Variants in TET2 observed in about 807,000 individuals in gnomAD.
The protein encoded by TET2 is methylcytosine dioxygenase TET2.
TET2 carries 299 observed loss-of-function variants against 142.9 expected under a neutral mutation model. The observed-to-expected ratio is 2.09, with a 90% CI of 1.90 to 2.30. TET2 has a LOEUF of 2.30. Among genes scored for constraint, TET2 ranks in the 30% most tolerant of loss-of-function variants. The pLI is 0.00. For synonymous variants in TET2, 819 were observed against 849.0 expected, an observed-to-expected ratio of 0.96 and a Z score of 0.61; for missense variants, 2,418 against 2,378.0, an observed-to-expected ratio of 1.02 and a Z score of -0.35.
chr4:105,163,846 A>ACT (rs1723997790), intron 1 of TET2, among the ~76,000 whole-genome samples: 2 of 116,038 alleles, frequency 1.7e-5, no homozygotes, highest in South Asian at 2.5e-4. Context: ...AGAGAGAGAG[A>ACT]GAGAGAGAGT....
intron 1 of TET2, among the ~76,000 whole-genome samples, chr4:105,175,700 C>T (rs1724747015): frequency 6.6e-6 from 1 of 151,672 alleles, no homozygotes; most frequent in East Asian, 1.9e-4. Flanking sequence ...TGTCAGACAC[C>T]AAACTACTTC....
At chr4:105,200,592 T>C (rs1475141443) in intron 2 of TET2, among the ~76,000 whole-genome samples, 1 of 152,162 alleles carries the variant, frequency 6.6e-6, no homozygotes, top group African/African-American at 2.4e-5. Context: ...GGATCTGATA[T>C]AAGCATATGT....
intron 7 of TET2, among the ~76,000 whole-genome samples, chr4:105,260,470 A>C (rs374577219): frequency 6.6e-6 from 1 of 152,010 alleles, no homozygotes; most frequent in Non-Finnish European, 1.5e-5. Flanking sequence ...AGTAAAAAAA[A>C]AACGAAGCCA....
intron 2 of TET2, 84 bp downstream of exon 2, chr4:105,190,589 A>C (rs1211392606): frequency 3.0e-6 from 2 of 666,522 alleles, no homozygotes; most frequent in Non-Finnish European, 5.4e-6. Flanking sequence ...CCAAACTTCA[A>C]CTTCAAGTTA....
intron 2 of TET2, among the ~76,000 whole-genome samples, chr4:105,196,090 T>G (rs932686109): frequency 6.6e-6 from 1 of 151,842 alleles, no homozygotes; most frequent in Non-Finnish European, 1.5e-5. Flanking sequence ...TTTAGACATA[T>G]CCATTCTTTT....
intron 8 of TET2, 87 bp from the exon 9 acceptor site, chr4:105,269,523 A>G: frequency 1.5e-6 from 2 of 1,360,486 alleles, no homozygotes; most frequent in Non-Finnish European, 2.0e-6. Context: ...ATTTTTTTAA[A>G]GTTCTAAATG....
chr4:105,149,502 TAA>T (rs938756728), intron 1 of TET2, among the ~76,000 whole-genome samples: 2 of 152,210 alleles, frequency 1.3e-5, no homozygotes, highest in African/African-American at 2.4e-5. Flanking sequence ...TAGTTTACAA[TAA>T]AAGACATAAC....
chr4:105,232,146 T>C (rs189835036), intron 2 of TET2, among the ~76,000 whole-genome samples: 2 of 152,302 alleles, frequency 1.3e-5, no homozygotes, highest in African/African-American at 2.4e-5. Flanking sequence ...TGTTAGTTTG[T>C]TTAGGATAAT....
intron 6 of TET2, among the ~76,000 whole-genome samples, chr4:105,258,381 C>T (rs1391437): frequency 0.025 from 3,812 of 152,122 alleles, 169 homozygotes; most frequent in African/African-American, 0.087. Context: ...CCTCATCAAC[C>T]GTTAGTTACC....
chr4:105,223,909 C>G (rs1728012326), intron 2 of TET2, among the ~76,000 whole-genome samples: 1 of 151,968 alleles, frequency 6.6e-6, no homozygotes, highest in Non-Finnish European at 1.5e-5. Context: ...AGCAAGCAGT[C>G]TGAAGTATTT....
intron 2 of TET2, among the ~76,000 whole-genome samples, chr4:105,196,733 A>G (rs751095296): frequency 1.1e-4 from 16 of 152,060 alleles, no homozygotes; most frequent in Admixed American, 6.6e-5. Context: ...CAAACATCCT[A>G]CTTACTGTAG....
intron 8 of TET2, among the ~76,000 whole-genome samples, chr4:105,264,787 G>A (rs372580186): frequency 6.6e-6 from 1 of 152,054 alleles, no homozygotes; most frequent in Non-Finnish European, 1.5e-5. Context: ...CACAGTACAC[G>A]GGAAGACCAT....
intron 1 of TET2, among the ~76,000 whole-genome samples, chr4:105,175,936 C>T (rs187634028): frequency 1.7e-4 from 26 of 152,036 alleles, no homozygotes; most frequent in Non-Finnish European, 2.9e-4. Flanking sequence ...AAGAAAAATC[C>T]GGCAGTGTAC....
chr4:105,267,037 A>G (rs142391122), intron 8 of TET2, among the ~76,000 whole-genome samples: 2 of 152,042 alleles, frequency 1.3e-5, no homozygotes, highest in African/African-American at 4.8e-5. Flanking sequence ...AAAATAAGAC[A>G]GGAGACTTCA....
At chr4:105,193,594 T>C (rs893218078) in intron 2 of TET2, among the ~76,000 whole-genome samples, 1 of 152,104 alleles carries the variant, frequency 6.6e-6, no homozygotes, top group Non-Finnish European at 1.5e-5. Context: ...GAAGGGAAGA[T>C]AGATTTTATA....
chr4:105,250,152 G>GT lies in TET2; in HGVS notation c.3803+6382dup, dbSNP rs911679389. Reference sequence around the variant, plus strand: ...TCTCAGCACCATTTGTTAAAAGACTGTTTTTTTTCAATTAACTGACCAAGA... The same window carrying GT: ...TCTCAGCACCATTTGTTAAAAGACTGTTTTTTTTTCAATTAACTGACCAAGA... On this transcript the variant is annotated intron_variant, in intron 6 of 10. Transcript: ENST00000380013. 2.2e-4 allele frequency among the ~76,000 whole-genome samples: 33 copies of GT among 151,380 alleles called. 1 individual carries two copies. Among genetic ancestry groups the GT allele is most frequent in the Admixed American group, 1.3e-3 (19 of 15,170 alleles).
Position 105,236,364 on chromosome 4 carries a change from G to C in TET2, c.2422G>C (p.Glu808Gln). 2 of 1,613,954 alleles carry C rather than the reference G, an allele frequency of 1.2e-6. No homozygotes were observed. Among genetic ancestry groups the C allele is most frequent in the Non-Finnish European group, 8.5e-7 (1 of 1,179,998 alleles). Residue 808 changes from glutamate to glutamine, a missense_variant, in exon 3 of 11, where the codon GAA (glutamate) becomes CAA (glutamine). By Grantham distance (29) the Glu-to-Gln change is conservative. Transcript: ENST00000380013. ...ETHNVQMGLE[E>Q]VQNINRRNSP... ...TCATAATGTCCAAATGGGACTGGAG[G>C]AAGTACAGAATATAAATCGTAGAAA... is the stretch of plus-strand genomic sequence containing the variant.
intron 1 of TET2, among the ~76,000 whole-genome samples, chr4:105,168,361 G>T (rs900678619): frequency 6.6e-6 from 1 of 151,792 alleles, no homozygotes; most frequent in Non-Finnish European, 1.5e-5. Context: ...TGGTTTTCTT[G>T]CTGTCCTGGC....
At chr4:105,269,827 A>G (rs926453527) in intron 9 of TET2, 80 bp downstream of exon 9, 5 of 1,456,446 alleles carry the variant, frequency 3.4e-6, no homozygotes, top group Non-Finnish European at 3.7e-6. Context: ...AGACTGGGTA[A>G]TTTATAAAGG....
Sources: allele counts gnomAD v4.1 joint callset (sites outside exome capture counted in the v4.1 genomes callset), GRCh38; gene constraint gnomAD v4.1.1; transcripts MANE v1.5; gene names NCBI Gene and HGNC (gene_info 2026-07-23, HGNC 2026-07-21).